The following TNS3 variants were observed in gnomAD, a reference collection of about 807,000 sequenced individuals.
The protein encoded by TNS3 is tensin 3.
In TNS3, 45 loss-of-function variants were observed where a neutral mutation model predicts 140.9. The observed-to-expected ratio is 0.32, with a 90% confidence interval of 0.25 to 0.41. TNS3 has a LOEUF of 0.41. Ranked by LOEUF, TNS3 falls within the 10% of genes least tolerant of loss-of-function variation. TNS3 has a pLI of 1.00. For missense variants in TNS3, 1,716 were observed against 1,906.7 expected (o/e 0.90, Z 1.86); for synonymous variants, 815 against 788.4 (o/e 1.03, Z -0.56).
intron 1 of TNS3, among the ~76,000 whole-genome samples, chr7:47,571,749 C>T (rs764833975): frequency 1.4e-4 from 21 of 152,220 alleles, no homozygotes; most frequent in Admixed American, 2.6e-4. Flanking sequence ...CCAACAGCCC[C>T]CAGCTGGCCG....
upstream of TNS3, chr7:47,582,432 G>C (rs1163057338): frequency 2.2e-6 from 1 of 456,636 alleles, no homozygotes; most frequent in Non-Finnish European, 4.4e-6. Flanking sequence ...AGTACCTGGG[G>C]AGGCGGGTTC....
chr7:47,435,216 T>G (rs1199743451), intron 8 of TNS3, 66 bp downstream of exon 8: 6 of 1,594,754 alleles, frequency 3.8e-6, no homozygotes, highest in African/African-American at 1.3e-5. Context: ...GCAGCATTGG[T>G]CTCCATCTCA....
rs750451630 is a variant in TNS3 at position 47,369,626 on chromosome 7, G to A, written c.1025-5C>T. 23 of 1,546,972 alleles carry A rather than the reference G, an allele frequency of 1.5e-5. No homozygotes were observed. Among genetic ancestry groups the A allele is most frequent in the Middle Eastern group, 1.7e-4 (1 of 5,744 alleles). ...CAGGGCCCTGCGTGTGTAGCACTGC[G>A]GGGGAGAAAACCGGAGAGAGGCTTT... On this transcript the variant is annotated splice_region_variant and splice_polypyrimidine_tract_variant and intron_variant, in intron 16 of 30. Coordinates refer to ENST00000311160, the MANE Select transcript of TNS3 (RefSeq NM_022748.12).
In TNS3 at chr7:47,344,612, C is replaced by G. The variant is rs1034030305; in HGVS notation, c.2650+143G>C. ...GGCCACATCCCTACATCTTTCCCAG[C>G]AAGATCCATCCTCATCCAAGGCTTC... On this transcript the variant is annotated intron_variant, in intron 20 of 30. Coordinates refer to ENST00000311160, the MANE Select transcript of TNS3 (RefSeq NM_022748.12). 7.5e-5 allele frequency: 61 copies of G among 812,124 alleles called. 2 individuals carry two copies. In the South Asian group the frequency reaches 9.0e-4, roughly 12 times the overall value. The allele number at this position is 812,124 out of a possible 1,614,324, so 50.3% of individuals were successfully genotyped here. A position where few individuals can be genotyped will look rare whatever the true frequency, so the allele number is the denominator to read the frequency against.
chr7:47,520,380 A>C (rs1224266536), intron 2 of TNS3, among the ~76,000 whole-genome samples: 1 of 152,200 alleles, frequency 6.6e-6, no homozygotes, highest in Non-Finnish European at 1.5e-5. Flanking sequence ...AGTTACTGCA[A>C]AACAAATACT....
intron 20 of TNS3, among the ~76,000 whole-genome samples, chr7:47,333,574 T>A (rs977432400): frequency 5.9e-5 from 9 of 152,236 alleles, no homozygotes; most frequent in Non-Finnish European, 8.8e-5. Context: ...CCTTTGTCCC[T>A]ATTATAAACA....
At chr7:47,314,192 AG>A (rs1214495239) in intron 20 of TNS3, among the ~76,000 whole-genome samples, 1 of 152,212 alleles carries the variant, frequency 6.6e-6, no homozygotes, top group Non-Finnish European at 1.5e-5. Context: ...TCTTCAGGTC[AG>A]TGCAGTCACT....
intron 5 of TNS3, 119 bp from the exon 6 acceptor site, chr7:47,439,777 G>A: frequency 2.8e-6 from 3 of 1,055,940 alleles, no homozygotes; most frequent in Non-Finnish European, 4.1e-6. Context: ...CAGCACCTGG[G>A]CGGCCAGCTA....
intron 20 of TNS3, among the ~76,000 whole-genome samples, chr7:47,318,542 G>A (rs759691918): frequency 5.3e-5 from 8 of 152,196 alleles, no homozygotes; most frequent in Non-Finnish European, 8.8e-5. Context: ...AGGCCAGGGT[G>A]AGGGTATGCA....
chr7:47,492,960 G>A (rs540088948), intron 3 of TNS3, among the ~76,000 whole-genome samples: 26 of 152,336 alleles, frequency 1.7e-4, no homozygotes, highest in African/African-American at 6.3e-4. Context: ...GATGACATCA[G>A]CTAATGCCAC....
chr7:47,373,743 T>C (rs1439765459), intron 16 of TNS3, among the ~76,000 whole-genome samples: 1 of 152,232 alleles, frequency 6.6e-6, no homozygotes, highest in Non-Finnish European at 1.5e-5. Flanking sequence ...ATTTCTAGCA[T>C]TAGTGAACAG....
In TNS3 at chr7:47,564,407, G is replaced by A. The variant is rs1345767178; in HGVS notation, c.-265+17644C>T. On this transcript the variant is annotated intron_variant, in intron 1 of 30. Transcript: ENST00000311160. ...AATCCCAGCACTTTGGGAGGCGGAG[G>A]CAGGCAGATCAGGAGGCCAGGAGTT... Among the ~76,000 whole-genome samples, 3 of 152,020 alleles carry A rather than the reference G, an allele frequency of 2.0e-5. No individual in the cohort carries two copies. The East Asian group carries it at 5.8e-4, about 29-fold the overall frequency.
intron 3 of TNS3, among the ~76,000 whole-genome samples, chr7:47,502,444 C>G (rs543501332): frequency 6.6e-6 from 1 of 152,190 alleles, no homozygotes; most frequent in Non-Finnish European, 1.5e-5. Flanking sequence ...CTCTAGGTCC[C>G]GTGTTTTCCA....
chr7:47,551,093 C>G (rs894677362), intron 1 of TNS3, among the ~76,000 whole-genome samples: 11 of 152,186 alleles, frequency 7.2e-5, no homozygotes, highest in African/African-American at 2.4e-4. Flanking sequence ...CTGTGGGAAG[C>G]GCCAGGAAGA....
chr7:47,502,379 C>A (rs1406409217), intron 3 of TNS3, among the ~76,000 whole-genome samples: 1 of 152,200 alleles, frequency 6.6e-6, no homozygotes, highest in African/African-American at 2.4e-5. Flanking sequence ...GGCCACTGAG[C>A]GTCTGTTGAC....
intron 1 of TNS3, 136 bp downstream of exon 1, chr7:47,581,915 T>C (rs1784545436): frequency 6.8e-6 from 1 of 146,142 alleles, no homozygotes; most frequent in Non-Finnish European, 1.5e-5. Context: ...CCGAACTCAG[T>C]CCCCGCGCCC....
At chr7:47,347,399 A>C (rs1789406250) in intron 17 of TNS3, among the ~76,000 whole-genome samples, 1 of 152,140 alleles carries the variant, frequency 6.6e-6, no homozygotes, top group Admixed American at 6.6e-5. Context: ...AGCTCACAGG[A>C]ATGCAAAGGT....
At chr7:47,388,786 G>C (rs1040158050) in intron 16 of TNS3, among the ~76,000 whole-genome samples, 1 of 152,026 alleles carries the variant, frequency 6.6e-6, no homozygotes, top group African/African-American at 2.4e-5. Context: ...ACAACTGCTT[G>C]AACCCGGGAG....
intron 2 of TNS3, among the ~76,000 whole-genome samples, chr7:47,511,452 T>C (rs1199325404): frequency 9.9e-6 from 1 of 101,000 alleles, no homozygotes; most frequent in African/African-American, 3.0e-5. Context: ...AACATGTAAT[T>C]GGTTCATTAC....
Sources: allele counts gnomAD v4.1 joint callset (sites outside exome capture counted in the v4.1 genomes callset), GRCh38; gene constraint gnomAD v4.1.1; transcripts MANE v1.5; gene names NCBI Gene and HGNC (gene_info 2026-07-23, HGNC 2026-07-21).